The following PLAC1 variants were observed in gnomAD, a reference collection of about 807,000 sequenced individuals.
The protein encoded by PLAC1 is placenta-specific protein 1.
For synonymous variants in PLAC1, 68 were observed against 62.1 expected (o/e 1.09, Z -0.44); for missense variants, 136 against 163.2 (o/e 0.83, Z 0.91).
rs59601139 is a variant in PLAC1 at position 134,729,269 on chromosome X, A to G, written n.174+4166T>C. On this transcript the variant is annotated intron_variant and non_coding_transcript_variant, in intron 2 of 2. Coordinates refer to the PLAC1 transcript ENST00000466797. ...CAAGGAAATGATAAGACTAGATACC[A>G]TTCATTAAGTGCTTCCCATTGTACC... 5.9e-3 allele frequency among the ~76,000 whole-genome samples: 666 copies of G among 112,047 alleles called. 3 individuals are homozygous for G. The highest frequency in any genetic ancestry group is 0.021 in the African/African-American group (638 of 30,891).
At chrX:134,716,833 G>A (rs2078644696) in intron 2 of PLAC1, among the ~76,000 whole-genome samples, 1 of 112,424 alleles carries the variant, frequency 8.9e-6, no homozygotes. Flanking sequence ...GCCCAGTTCT[G>A]CCAATCTGAC....
At chrX:134,691,640 T>C (rs2078542434) in intron 2 of PLAC1, among the ~76,000 whole-genome samples, 1 of 111,892 alleles carries the variant, frequency 8.9e-6, no homozygotes, top group Admixed American at 9.5e-5. Context: ...TTCTGTTCCT[T>C]AGGACGGCCC....
chrX:134,631,829 G>A (rs1952916749), intron 1 of PLAC1, among the ~76,000 whole-genome samples: 1 of 112,086 alleles, frequency 8.9e-6, no homozygotes, highest in South Asian at 3.7e-4. Flanking sequence ...GCAGCTGGCA[G>A]ACAGCTGTGG....
chrX:134,573,594 T>C (rs1271078664), intron 2 of PLAC1, among the ~76,000 whole-genome samples: 1 of 111,728 alleles, frequency 9.0e-6, no homozygotes, highest in African/African-American at 3.3e-5. Context: ...GATACACCTG[T>C]GTCAATAAAT....
rs1323969325 is a variant in PLAC1, at chrX:134,651,824, C to T, written c.-131+6504G>A. On this transcript the variant is annotated intron_variant, in intron 1 of 2. Transcript: ENST00000359237. ...CCACCAGGCCAAGTCCTGCCTGAGA[C>T]CCTCAGGCTGGAGAGATTGCTTCCC... Among the ~76,000 whole-genome samples, 3 of 109,864 alleles carry T rather than the reference C, an allele frequency of 2.7e-5. No individual in the cohort carries two copies. In the Admixed American group the frequency reaches 2.9e-4, roughly 11 times the overall value.
At chrX:134,684,428 AAAAAAC>A (rs1360081995) in intron 2 of PLAC1, among the ~76,000 whole-genome samples, 11 of 108,332 alleles carry the variant, frequency 1.0e-4, no homozygotes, top group East Asian at 8.7e-4. Flanking sequence ...AAAAAAAAAA[AAAAAAC>A]ACTCTAGGTT....
At chrX:134,702,539 T>C (rs1233715322) in intron 2 of PLAC1, among the ~76,000 whole-genome samples, 1 of 111,813 alleles carries the variant, frequency 8.9e-6, no homozygotes, top group Non-Finnish European at 1.9e-5. Flanking sequence ...AAGTAGGAGC[T>C]AAAACATTGA....
intron 2 of PLAC1, among the ~76,000 whole-genome samples, chrX:134,701,470 C>T (rs780990938): frequency 4.5e-5 from 5 of 111,564 alleles, no homozygotes; most frequent in Non-Finnish European, 7.5e-5. Flanking sequence ...TTCTACACAG[C>T]AAAAGAAATT....
At chrX:134,581,911 T>A (rs1569377095) in intron 2 of PLAC1, among the ~76,000 whole-genome samples, 1 of 112,077 alleles carries the variant, frequency 8.9e-6, no homozygotes. Flanking sequence ...AGTGCTGGCC[T>A]ATTAGAGGGG....
intron 1 of PLAC1, chrX:134,606,289 T>C (rs2078122554): frequency 9.0e-6 from 1 of 110,833 alleles, no homozygotes; most frequent in Admixed American, 9.6e-5. Context: ...ACTGTAGTGA[T>C]GTGCGTGTGC....
intron 1 of PLAC1, among the ~76,000 whole-genome samples, chrX:134,627,090 G>A (rs1472969099): frequency 9.0e-6 from 1 of 110,733 alleles, no homozygotes. Context: ...CAACACTTCA[G>A]CATAGTTCCC....
chrX:134,652,049 C>T (rs1309016810), intron 1 of PLAC1, among the ~76,000 whole-genome samples: 1 of 111,728 alleles, frequency 9.0e-6, no homozygotes, highest in East Asian at 2.8e-4. Flanking sequence ...TGTGTCCTTG[C>T]AGCCTACTTT....
chrX:134,742,927 GAA>G (rs1401538244), intron 1 of PLAC1, among the ~76,000 whole-genome samples: 3 of 111,213 alleles, frequency 2.7e-5, no homozygotes, highest in Non-Finnish European at 5.7e-5. Context: ...AAGAAGGAAA[GAA>G]AGAGAGAGAG....
chrX:134,756,110 CAA>C (rs755649214), intron 1 of PLAC1, among the ~76,000 whole-genome samples: 1 of 110,200 alleles, frequency 9.1e-6, no homozygotes, highest in Admixed American at 9.6e-5. Context: ...CTTGGCCTCC[CAA>C]AGTGTTGGGA....
intron 1 of PLAC1, among the ~76,000 whole-genome samples, chrX:134,611,680 C>A (rs1032783408): frequency 2.7e-5 from 3 of 109,963 alleles, no homozygotes; most frequent in Non-Finnish European, 5.7e-5. Context: ...AATAAGAGTT[C>A]AATGCGGTAG....
intron 1 of PLAC1, among the ~76,000 whole-genome samples, chrX:134,637,140 T>C (rs773206334): frequency 8.9e-6 from 1 of 112,074 alleles, no homozygotes; most frequent in East Asian, 2.8e-4. Flanking sequence ...TTTCCCTCAA[T>C]TTCAGGCAAC....
chrX:134,753,263 G>A (rs1050651377), intron 1 of PLAC1, among the ~76,000 whole-genome samples: 3 of 111,077 alleles, frequency 2.7e-5, no homozygotes, highest in Non-Finnish European at 5.7e-5. Context: ...TTGTGTTTTG[G>A]TAAAATGAGC....
intron 2 of PLAC1, among the ~76,000 whole-genome samples, chrX:134,598,460 A>G (rs1419139519): frequency 8.9e-6 from 1 of 112,057 alleles, no homozygotes; most frequent in Non-Finnish European, 1.9e-5. Flanking sequence ...GAAAACAAGA[A>G]AAGTGAATTC....
At chrX:134,580,299 G>A (rs1675196049) in intron 2 of PLAC1, among the ~76,000 whole-genome samples, 1 of 112,125 alleles carries the variant, frequency 8.9e-6, no homozygotes, top group African/African-American at 3.2e-5. Context: ...AAAACAGGAA[G>A]GAGGGAAATG....
Sources: gnomAD v4.1 joint callset for allele counts (sites outside exome capture counted in the v4.1 genomes callset) on GRCh38, gnomAD v4.1.1 for gene constraint, MANE v1.5 for transcripts, NCBI Gene and HGNC (gene_info 2026-07-23, HGNC 2026-07-21) for gene names.